The following THSD7B variants were observed in gnomAD, a reference collection of about 807,000 sequenced individuals.
THSD7B encodes thrombospondin type-1 domain-containing protein 7B.
In THSD7B, 138 loss-of-function variants were observed where a neutral mutation model predicts 213.6. That is an observed-to-expected ratio of 0.65 (90% CI 0.56 to 0.74). The LOEUF (loss-of-function observed/expected upper bound fraction) is 0.74, where lower values mean the gene tolerates loss of function less well. Ranked by LOEUF, THSD7B falls within the 30% of genes least tolerant of loss-of-function variation. The pLI is 0.00. For missense variants in THSD7B, 1,931 were observed against 1,991.5 expected (o/e 0.97, Z 0.58); for synonymous variants, 742 against 687.0 (o/e 1.08, Z -1.25).
intron 14 of THSD7B, among the ~76,000 whole-genome samples, chr2:137,418,422 CT>C (rs1183162258): frequency 1.3e-5 from 2 of 152,154 alleles, no homozygotes; most frequent in Non-Finnish European, 2.9e-5. Flanking sequence ...TTTTACCCTC[CT>C]TTTTTTAATC....
chr2:137,022,312 A>C (rs1034109585), intron 2 of THSD7B, among the ~76,000 whole-genome samples: 2 of 152,172 alleles, frequency 1.3e-5, no homozygotes, highest in African/African-American at 4.8e-5. Flanking sequence ...GTAATGTACG[A>C]ATGAGTCAGT....
chr2:137,322,170 T>A lies in THSD7B; in HGVS notation c.2500+46144T>A, dbSNP rs143499139. Among the ~76,000 whole-genome samples the A allele has an allele frequency of 4.5e-4, 69 of 152,318 alleles. 1 individual carries two copies. Among genetic ancestry groups the A allele is most frequent in the African/African-American group, 1.6e-3 (68 of 41,572 alleles). ...ATTCTAAAACTCAGCTCCCCTTTCC[T>A]CCCTGGTGTAAGATCATAATTTAAG... On this transcript the variant is annotated intron_variant, in intron 12 of 27. Coordinates refer to ENST00000409968, the MANE Select transcript of THSD7B (RefSeq NM_001316349.2).
chr2:137,056,396 A>G, intron 2 of THSD7B, 24 bp from the exon 3 acceptor site: 2 of 1,587,176 alleles, frequency 1.3e-6, no homozygotes, highest in Non-Finnish European at 1.7e-6. Context: ...TGAGTAATTA[A>G]CATCCTTGTT....
intron 12 of THSD7B, among the ~76,000 whole-genome samples, chr2:137,307,682 T>C (rs1683788887): frequency 6.6e-6 from 1 of 152,120 alleles, no homozygotes; most frequent in South Asian, 2.1e-4. Flanking sequence ...TGAAAAACAA[T>C]GCTCATGCAC....
chr2:136,991,060 A>G, intron 2 of THSD7B: 1 of 774,614 alleles, frequency 1.3e-6, no homozygotes. Context: ...TTAAATAAAA[A>G]GGACCTGGAC....
intron 12 of THSD7B, among the ~76,000 whole-genome samples, chr2:137,379,895 G>A (rs1487354996): frequency 2.0e-5 from 3 of 152,208 alleles, no homozygotes; most frequent in African/African-American, 7.2e-5. Context: ...TACCTGGTGA[G>A]AAGATGAAAG....
At chr2:137,469,624 A>C (rs1316601997) in intron 15 of THSD7B, among the ~76,000 whole-genome samples, 1 of 152,198 alleles carries the variant, frequency 6.6e-6, no homozygotes, top group Non-Finnish European at 1.5e-5. Context: ...GGGGAAATTG[A>C]TATGCAAAAG....
chr2:136,952,215 C>A (rs2105073530), intron 2 of THSD7B, among the ~76,000 whole-genome samples: 1 of 151,784 alleles, frequency 6.6e-6, no homozygotes, highest in African/African-American at 2.4e-5. Context: ...CAACCCCCAC[C>A]CCCCCAAAAA....
chr2:136,774,745 A>G (rs543814169), intron 1 of THSD7B, among the ~76,000 whole-genome samples: 1 of 152,244 alleles, frequency 6.6e-6, no homozygotes, highest in East Asian at 1.9e-4. Flanking sequence ...CTAAGGCTAT[A>G]TCGTGTAAGA....
intron 20 of THSD7B, among the ~76,000 whole-genome samples, chr2:137,640,059 G>A (rs910530850): frequency 1.3e-5 from 2 of 152,100 alleles, no homozygotes; most frequent in Admixed American, 6.5e-5. Flanking sequence ...ATTTGGAGGG[G>A]CCAGGGGCAG....
intron 12 of THSD7B, among the ~76,000 whole-genome samples, chr2:137,320,408 G>T (rs1271657593): frequency 6.6e-6 from 1 of 152,084 alleles, no homozygotes; most frequent in Non-Finnish European, 1.5e-5. Context: ...CAAATATATT[G>T]AAAAGTACAA....
intron 2 of THSD7B, among the ~76,000 whole-genome samples, chr2:137,015,834 T>C (rs62170960): frequency 0.071 from 10,801 of 152,182 alleles, 488 homozygotes; most frequent in Middle Eastern, 0.11. Context: ...TGGACTTTGA[T>C]GTCTTATAAA....
chr2:136,873,067 A>G (rs978039786), intron 1 of THSD7B, among the ~76,000 whole-genome samples: 4 of 150,736 alleles, frequency 2.7e-5, no homozygotes, highest in Non-Finnish European at 4.4e-5. Context: ...GAATATAGCA[A>G]TGTTTGTCAC....
chr2:137,429,187 T>A (rs1036547997), intron 14 of THSD7B, among the ~76,000 whole-genome samples: 1 of 152,170 alleles, frequency 6.6e-6, no homozygotes, highest in Non-Finnish European at 1.5e-5. Flanking sequence ...AAACTGCCAA[T>A]GGATATAGGG....
chr2:137,105,652 A>G (rs1033022768), intron 4 of THSD7B, among the ~76,000 whole-genome samples: 2 of 152,202 alleles, frequency 1.3e-5, no homozygotes, highest in Non-Finnish European at 2.9e-5. Flanking sequence ...ATATTTAGAA[A>G]ACCCCATTGT....
intron 2 of THSD7B, among the ~76,000 whole-genome samples, chr2:136,882,977 T>A (rs952074877): frequency 6.6e-6 from 1 of 152,220 alleles, no homozygotes; most frequent in African/African-American, 2.4e-5. Flanking sequence ...AGCCTAATAA[T>A]TTATTAACTT....
At chr2:137,029,833 A>G (rs1391612439) in intron 2 of THSD7B, among the ~76,000 whole-genome samples, 1 of 152,182 alleles carries the variant, frequency 6.6e-6, no homozygotes, top group Non-Finnish European at 1.5e-5. Flanking sequence ...TGCACCTGAT[A>G]GCACTAGTGT....
intron 12 of THSD7B, among the ~76,000 whole-genome samples, chr2:137,278,603 T>C (rs1273929991): frequency 1.3e-5 from 2 of 151,986 alleles, no homozygotes; most frequent in Non-Finnish European, 2.9e-5. Flanking sequence ...AGAGAGGACA[T>C]TGGCATTCCT....
intron 12 of THSD7B, among the ~76,000 whole-genome samples, chr2:137,382,908 C>T (rs752039859): frequency 2.6e-5 from 4 of 152,128 alleles, no homozygotes; most frequent in Non-Finnish European, 4.4e-5. Flanking sequence ...GCTGCTGCTG[C>T]CTGGACTTCT....
Sources: gnomAD v4.1 joint callset for allele counts (sites outside exome capture counted in the v4.1 genomes callset) on GRCh38, gnomAD v4.1.1 for gene constraint, MANE v1.5 for transcripts, NCBI Gene and HGNC (gene_info 2026-07-23, HGNC 2026-07-21) for gene names.